FBXL14: variants seen among roughly 807,000 people sequenced by gnomAD.
FBXL14 encodes the protein F-box and leucine rich repeat protein 14.
A neutral mutation model predicts 24.5 loss-of-function variants in FBXL14; 11 were observed. The ratio of observed to expected loss-of-function variants is 0.45; its 90% CI spans 0.28 to 0.74. FBXL14 has a LOEUF of 0.74. FBXL14 is among the 30% of genes least tolerant of loss of function. The pLI, the probability that FBXL14 is intolerant of heterozygous loss-of-function variation, is 0.12. For missense variants in FBXL14, 384 were observed against 545.6 expected, an observed-to-expected ratio of 0.70 and a Z score of 2.95; for synonymous variants, 294 against 240.4, an observed-to-expected ratio of 1.22 and a Z score of -2.06.
intron 1 of FBXL14, among the ~76,000 whole-genome samples, chr12:1,571,511 G>A (rs190931883): frequency 8.4e-4 from 128 of 152,268 alleles, no homozygotes; most frequent in Middle Eastern, 3.4e-3. Flanking sequence ...CCCAGCCAGT[G>A]TAAAACACTA....
At chr12:1,568,765 G>A (rs182568187) in intron 1 of FBXL14, among the ~76,000 whole-genome samples, 1 of 152,256 alleles carries the variant, frequency 6.6e-6, no homozygotes, top group East Asian at 1.9e-4. Context: ...CGAGGCTGAG[G>A]CAAGAGAATC....
chr12:1,577,514 C>G (rs769150411), intron 1 of FBXL14, among the ~76,000 whole-genome samples: 1 of 152,264 alleles, frequency 6.6e-6, no homozygotes, highest in East Asian at 1.9e-4. Flanking sequence ...TTTAACCCTG[C>G]GGTGTGAAGA....
chr12:1,592,794 G>GT, intron 1 of FBXL14, 79 bp downstream of exon 1: 1 of 1,212,396 alleles, frequency 8.2e-7, no homozygotes, highest in South Asian at 1.5e-5. Context: ...AAGTGTGCGT[G>GT]TGAGTGTGTG....
At chr12:1,590,311 G>A (rs2094486616) in intron 1 of FBXL14, among the ~76,000 whole-genome samples, 1 of 152,218 alleles carries the variant, frequency 6.6e-6, no homozygotes, top group Non-Finnish European at 1.5e-5. Flanking sequence ...CAGGCAGAAA[G>A]CTTGGACATT....
rs2094497285 is a variant in FBXL14 at position 1,594,360 on chromosome 12, C to T, written c.-294G>A. Among the ~76,000 whole-genome samples, 1 of 144,448 alleles carries T rather than the reference C, an allele frequency of 6.9e-6. No individual in the cohort carries two copies. Among genetic ancestry groups the T allele is most frequent in the South Asian group, 2.1e-4 (1 of 4,744 alleles). The allele number at this position is 144,448 out of a possible 152,430, so 94.8% of individuals were successfully genotyped here. A position where few individuals can be genotyped will look rare whatever the true frequency, so the allele number is the denominator to read the frequency against. ...GGGGAAGGCGCCTCGCTCTCGCTCCCGGAGGCCGGCCGCCGCCGCCGCCTC... is the reference window on the plus strand; with the variant it reads ...GGGGAAGGCGCCTCGCTCTCGCTCCTGGAGGCCGGCCGCCGCCGCCGCCTC... On this transcript the variant is annotated 5_prime_UTR_variant, in exon 1 of 2. Coordinates refer to ENST00000339235, the MANE Select transcript of FBXL14 (RefSeq NM_152441.3).
intron 1 of FBXL14, among the ~76,000 whole-genome samples, chr12:1,568,947 C>G (rs1029517823): frequency 1.3e-5 from 2 of 152,190 alleles, no homozygotes; most frequent in African/African-American, 2.4e-5. Context: ...ATAAATTGTG[C>G]TTCTGTCAGG....
chr12:1,576,768 C>T (rs572481965), intron 1 of FBXL14, among the ~76,000 whole-genome samples: 2 of 152,184 alleles, frequency 1.3e-5, no homozygotes, highest in African/African-American at 4.8e-5. Flanking sequence ...GGTGCTCTGT[C>T]GCCCCAGCCC....
chr12:1,588,567 G>A (rs1027840966), intron 1 of FBXL14, among the ~76,000 whole-genome samples: 9 of 152,130 alleles, frequency 5.9e-5, no homozygotes, highest in African/African-American at 1.9e-4. Flanking sequence ...AATTGGCTGA[G>A]CCCCACAGGT....
intron 1 of FBXL14, among the ~76,000 whole-genome samples, chr12:1,568,729 C>T (rs925885172): frequency 1.7e-4 from 26 of 152,076 alleles, no homozygotes; most frequent in Non-Finnish European, 2.6e-4. Context: ...GGCGTGGTGG[C>T]GGGCGCCTGT....
intron 1 of FBXL14, among the ~76,000 whole-genome samples, chr12:1,586,833 C>T (rs750206870): frequency 5.3e-5 from 8 of 152,314 alleles, no homozygotes; most frequent in Non-Finnish European, 1.0e-4. Flanking sequence ...TGCTGCGCCA[C>T]GGCTGCAGAC....
chr12:1,575,324 T>C (rs1479512655), intron 1 of FBXL14, among the ~76,000 whole-genome samples: 2 of 152,228 alleles, frequency 1.3e-5, no homozygotes, highest in Admixed American at 1.3e-4. Context: ...TAAATCTATC[T>C]CTATCAATGT....
chr12:1,594,710 C>T (rs2094498178), upstream of FBXL14, among the ~76,000 whole-genome samples: 3 of 149,728 alleles, frequency 2.0e-5, no homozygotes, highest in South Asian at 6.2e-4. Context: ...CCGGCCCCCG[C>T]ACCAAGGACG....
intron 1 of FBXL14, among the ~76,000 whole-genome samples, chr12:1,580,535 G>T (rs377058877): frequency 1.3e-5 from 2 of 152,120 alleles, no homozygotes; most frequent in South Asian, 4.1e-4. Context: ...AACATAGTGG[G>T]GGGGGAGGTC....
chr12:1,583,473 C>G (rs1000581305), intron 1 of FBXL14, among the ~76,000 whole-genome samples: 1 of 152,024 alleles, frequency 6.6e-6, no homozygotes, highest in South Asian at 2.1e-4. Flanking sequence ...TGGGGAGTAA[C>G]CTCACTGATA....
At chr12:1,590,012 C>T (rs2094485879) in intron 1 of FBXL14, among the ~76,000 whole-genome samples, 1 of 152,212 alleles carries the variant, frequency 6.6e-6, no homozygotes, top group South Asian at 2.1e-4. Flanking sequence ...TGAATCTGTA[C>T]AGCCATGCAG....
chr12:1,578,205 A>G (rs2094459583), intron 1 of FBXL14, among the ~76,000 whole-genome samples: 1 of 152,116 alleles, frequency 6.6e-6, no homozygotes, highest in Admixed American at 6.5e-5. Context: ...TCTAATAGAG[A>G]GTCTGAAAGA....
Position 1,593,236 on chromosome 12 carries a change from G to T in FBXL14, c.831C>A (p.Gly277=). Residue 277 remains glycine, a synonymous_variant, in exon 1 of 2, where the codon GGC becomes GGA. Coordinates refer to ENST00000339235, the MANE Select transcript of FBXL14 (RefSeq NM_152441.3). This position sits in a 1 kb window ranked among gnomAD's most constrained non-coding sequence, Gnocchi z 7.4. The part of the protein sequence containing the change: ...SDTGIMHLAM[G]SLRLSGLDVS... ...CATCCAGCCCCGAGAGGCGCAGGCTGCCCATGGCCAGATGCATGATGCCCG... is the reference window on the plus strand; with the variant it reads ...CATCCAGCCCCGAGAGGCGCAGGCTTCCCATGGCCAGATGCATGATGCCCG... 6.2e-7 allele frequency: 1 copy of T among 1,612,710 alleles called. No individual in the cohort carries two copies. Among genetic ancestry groups the T allele is most frequent in the Non-Finnish European group, 8.5e-7 (1 of 1,180,026 alleles).
chr12:1,570,537 C>G (rs1050506225), intron 1 of FBXL14, among the ~76,000 whole-genome samples: 57 of 152,124 alleles, frequency 3.7e-4, no homozygotes, highest in Admixed American at 4.6e-4. Context: ...CCTGGAATAC[C>G]TGCCTGCTGA....
At chr12:1,587,666 TAAGTA>T (rs1304170559) in intron 1 of FBXL14, 4 of 152,268 alleles carry the variant, frequency 2.6e-5, no homozygotes, top group Admixed American at 6.5e-5. Flanking sequence ...GATACTTCAT[TAAGTA>T]AATTATTAAT....
Sources: allele counts gnomAD v4.1 joint callset (sites outside exome capture counted in the v4.1 genomes callset), GRCh38; gene constraint gnomAD v4.1.1; non-coding constraint Gnocchi (gnomAD v3.1); transcripts MANE v1.5; gene names NCBI Gene and HGNC (gene_info 2026-07-23, HGNC 2026-07-21).